Variants in MIB1 observed in about 807,000 individuals in gnomAD.
The protein encoded by MIB1 is MIB E3 ubiquitin protein ligase 1.
A neutral mutation model predicts 124.5 loss-of-function variants in MIB1; 278 were observed. That is an observed-to-expected ratio of 2.23 (90% CI 2.02 to 2.47). The LOEUF (loss-of-function observed/expected upper bound fraction) is 2.47. Among genes scored for constraint, MIB1 ranks in the 30% most tolerant of loss-of-function variants. MIB1 has a pLI of 0.00. For missense variants in MIB1, 957 were observed against 1,254.4 expected (o/e 0.76, Z 3.58); for synonymous variants, 446 against 429.4 (o/e 1.04, Z -0.48).
chr18:21,783,967 T>A (rs557841349), intron 6 of MIB1, among the ~76,000 whole-genome samples: 2 of 152,096 alleles, frequency 1.3e-5, no homozygotes, highest in South Asian at 4.1e-4. Context: ...GGTCTTGAAC[T>A]CTTTGCCTCA....
At chr18:21,777,433 T>G (rs2146423004) in intron 4 of MIB1, among the ~76,000 whole-genome samples, 1 of 152,344 alleles carries the variant, frequency 6.6e-6, no homozygotes, top group Non-Finnish European at 1.5e-5. Context: ...GAATGTGCTG[T>G]GCACATTTCC....
chr18:21,860,618 C>T (rs1012585895), intron 20 of MIB1, among the ~76,000 whole-genome samples: 18 of 152,160 alleles, frequency 1.2e-4, no homozygotes, highest in South Asian at 2.1e-4. Context: ...TGGCCAATCA[C>T]GTCAGTATTG....
At chr18:21,724,727 A>ATATATATATATATATAT (rs1555685678) in intron 1 of MIB1, among the ~76,000 whole-genome samples, 1 of 17,378 alleles carries the variant, frequency 5.8e-5, no homozygotes, top group Non-Finnish European at 1.1e-4. Flanking sequence ...AAAAAAAAAA[A>ATATATATATATATATAT]ATATATATAT....
intron 12 of MIB1, chr18:21,826,667 A>G (rs553631922): frequency 2.0e-5 from 3 of 152,232 alleles, no homozygotes; most frequent in Admixed American, 6.5e-5. Context: ...GTTGATTTCA[A>G]TGTCTTGAGA....
intron 13 of MIB1, among the ~76,000 whole-genome samples, chr18:21,840,382 C>A (rs2042072187): frequency 6.6e-6 from 1 of 151,756 alleles, no homozygotes; most frequent in Non-Finnish European, 1.5e-5. Context: ...TAGGGCTAAA[C>A]CAAGTAGATA....
chr18:21,848,177 C>T (rs948114490), intron 16 of MIB1, among the ~76,000 whole-genome samples: 1 of 152,042 alleles, frequency 6.6e-6, no homozygotes, highest in African/African-American at 2.4e-5. Context: ...GAGAATGCAT[C>T]GGCCGGGCGT....
At chr18:21,735,685 C>CG (rs890333090) in intron 1 of MIB1, among the ~76,000 whole-genome samples, 4 of 152,096 alleles carry the variant, frequency 2.6e-5, no homozygotes, top group East Asian at 3.9e-4. Flanking sequence ...CAAGCTTGGT[C>CG]GGGGGGAGGG....
chr18:21,799,911 T>TAAGGCTG lies in MIB1; in HGVS notation c.1309_1315dup (p.Ala439GlufsTer10). On this transcript the variant is annotated frameshift_variant, in exon 9 of 21. Transcript: ENST00000261537. LOFTEE classifies it high-confidence loss of function. The stretch of plus-strand genomic sequence containing the variant: ...CTGGTGACCTCAATGAAGAATTAGT[T>TAAGGCTG]AAGGCTGCTGCCAATGGAGATGTTG... 6.2e-7 allele frequency: 1 copy of TAAGGCTG among 1,612,510 alleles called. No individual in the cohort carries two copies. The highest frequency in any genetic ancestry group is 8.5e-7 in the Non-Finnish European group (1 of 1,178,896).
chr18:21,756,810 G>A lies in MIB1; in HGVS notation c.230-8962G>A, dbSNP rs143563978. On this transcript the variant is annotated intron_variant, in intron 1 of 20. Coordinates refer to ENST00000261537, the MANE Select transcript of MIB1 (RefSeq NM_020774.4). ...TTATGTTTCACCTCATTAATTTTTT[G>A]ACTCCTATGTAAAAAAATGCCAAAA... Among the ~76,000 whole-genome samples the A allele has an allele frequency of 8.3e-4, 126 of 152,100 alleles. No individual in the cohort carries two copies. The Middle Eastern group carries it at 0.01, about 12-fold the overall frequency.
intron 1 of MIB1, among the ~76,000 whole-genome samples, chr18:21,719,188 CA>C (rs201457192): frequency 0.025 from 2,412 of 95,038 alleles, 52 homozygotes; most frequent in East Asian, 0.069. Context: ...AACTCCGTCT[CA>C]AAAAAAAAAA....
intron 1 of MIB1, among the ~76,000 whole-genome samples, chr18:21,718,793 G>A (rs566808331): frequency 6.6e-6 from 1 of 152,324 alleles, no homozygotes; most frequent in South Asian, 2.1e-4. Context: ...GGGTGCAGTG[G>A]CTCATGCCTG....
Position 21,870,794 on chromosome 18 carries a change from A to G in MIB1, c.*6128A>G, listed in dbSNP as rs1392811489. 2.6e-5 allele frequency: 4 copies of G among 152,214 alleles called. No individual in the cohort carries two copies. The highest frequency in any genetic ancestry group is 9.6e-5 in the African/African-American group (4 of 41,462). The allele number at this position is 152,214 out of a possible 1,614,324, so 9.4% of individuals were successfully genotyped here. On this transcript the variant is annotated 3_prime_UTR_variant, in exon 21 of 21. Coordinates refer to ENST00000261537, the MANE Select transcript of MIB1 (RefSeq NM_020774.4). ...AAAAATATCTTTTGTTTATTTGAAA[A>G]AAGCATATATATTCCAACTTTAAAA... is the stretch of plus-strand genomic sequence containing the variant.
chr18:21,798,612 A>G (rs1428816177), intron 8 of MIB1, among the ~76,000 whole-genome samples: 11 of 152,100 alleles, frequency 7.2e-5, no homozygotes, highest in Admixed American at 7.2e-4. Flanking sequence ...TGTATTTCCA[A>G]CATTATTGCT....
rs2040854643 is a variant in MIB1 at position 21,741,722 on chromosome 18, G to T, written c.139G>T (p.Glu47Ter). The change falls in exon 1 of 21, where the codon GAG becomes TAG. Residue 47 changes from glutamate (E) to a stop codon, truncating the protein, a stop_gained. Transcript: ENST00000261537. LOFTEE classifies it high-confidence loss of function. This position sits in a 1 kb window ranked among gnomAD's most constrained non-coding sequence, Gnocchi z 5.4. ...GTVRSFESPEEVVVVWDNGTA... is the reference protein window; with the variant it reads ...GTVRSFESPE ...CGTCCGGAGCTTCGAGAGCCCCGAG[G>T]AGGTGGTGGTAGTGTGGGACAACGG... The T allele has an allele frequency of 6.2e-7, 1 of 1,611,684 alleles. No individual in the cohort carries two copies. Among genetic ancestry groups the T allele is most frequent in the South Asian group, 1.1e-5 (1 of 90,744 alleles).
At chr18:21,717,997 G>A (rs1192461199) in intron 1 of MIB1, among the ~76,000 whole-genome samples, 1 of 152,148 alleles carries the variant, frequency 6.6e-6, no homozygotes, top group African/African-American at 2.4e-5. Context: ...CAACCCAAAT[G>A]CCCATCAGTC....
chr18:21,789,955 G>T (rs1280947352), intron 6 of MIB1, among the ~76,000 whole-genome samples: 1 of 152,098 alleles, frequency 6.6e-6, no homozygotes, highest in Non-Finnish European at 1.5e-5. Flanking sequence ...TAGGGTAGGT[G>T]TTCTGTTATC....
At chr18:21,798,853 A>G (rs553537480) in intron 8 of MIB1, among the ~76,000 whole-genome samples, 20 of 152,260 alleles carry the variant, frequency 1.3e-4, no homozygotes, top group Non-Finnish European at 2.8e-4. Context: ...ACATGTTGTC[A>G]TCCAGAAAAG....
At chr18:21,746,459 C>G (rs1280596774) in intron 1 of MIB1, among the ~76,000 whole-genome samples, 1 of 152,116 alleles carries the variant, frequency 6.6e-6, no homozygotes, top group African/African-American at 2.4e-5. Context: ...TTTCGAGATT[C>G]ATTTGGCTCA....
At position 21,865,972 on chromosome 18, in the gene MIB1, A is replaced by G. The variant is rs1052333653; in HGVS notation, c.*1306A>G. 6.6e-6 allele frequency: 1 copy of G among 151,958 alleles called. No homozygotes were observed. Among genetic ancestry groups the G allele is most frequent in the Non-Finnish European group, 1.5e-5 (1 of 67,976 alleles). The allele number at this position is 151,958 out of a possible 1,614,324, so 9.4% of individuals were successfully genotyped here. On this transcript the variant is annotated 3_prime_UTR_variant, in exon 21 of 21. Coordinates refer to ENST00000261537, the MANE Select transcript of MIB1 (RefSeq NM_020774.4). ...CTCCTTTTATCTCCTTTGTAATCTT[A>G]TTGTCTCCTGAGTAAATATACACAT...
Sources: gnomAD v4.1 joint callset for allele counts (sites outside exome capture counted in the v4.1 genomes callset) on GRCh38, gnomAD v4.1.1 for gene constraint, Gnocchi (gnomAD v3.1) non-coding constraint, MANE v1.5 for transcripts, NCBI Gene and HGNC (gene_info 2026-07-23, HGNC 2026-07-21) for gene names.